Variants in CADM4 observed in about 807,000 individuals in gnomAD.
The protein encoded by CADM4 is TSLC1-like 2.
A neutral mutation model predicts 43.9 loss-of-function variants in CADM4; 13 were observed. That is an observed-to-expected ratio of 0.30 (90% CI 0.19 to 0.47). The LOEUF (loss-of-function observed/expected upper bound fraction) is 0.47. Among genes scored for constraint, CADM4 ranks in the 20% least tolerant of loss-of-function variants. The pLI, the probability that CADM4 is intolerant of heterozygous loss-of-function variation, is 1.00. For missense variants in CADM4, 420 were observed against 527.0 expected (o/e 0.80, Z 1.99); for synonymous variants, 209 against 220.9 (o/e 0.95, Z 0.48).
intron 7 of CADM4, among the ~76,000 whole-genome samples, chr19:43,624,543 G>A (rs1179178443): frequency 2.6e-5 from 4 of 152,152 alleles, no homozygotes; most frequent in Non-Finnish European, 5.9e-5. Flanking sequence ...GGGCTCAAGC[G>A]ATCCTCCGGC....
chr19:43,641,881 A>G (rs769447302), upstream of CADM4, among the ~76,000 whole-genome samples: 61 of 152,314 alleles, frequency 4.0e-4, no homozygotes, highest in Non-Finnish European at 7.2e-4. Flanking sequence ...AGGAGCCAAT[A>G]GGCCCGCTCA....
chr19:43,629,949 G>T (rs1298445132), intron 1 of CADM4, among the ~76,000 whole-genome samples: 2 of 151,054 alleles, frequency 1.3e-5, no homozygotes, highest in Non-Finnish European at 3.0e-5. Context: ...TTGAGACAAG[G>T]TCAGGCTGGA....
chr19:43,634,094 A>G (rs1267346030), intron 1 of CADM4, among the ~76,000 whole-genome samples: 1 of 152,070 alleles, frequency 6.6e-6, no homozygotes, highest in Non-Finnish European at 1.5e-5. Flanking sequence ...CATCTGTGTG[A>G]CCTGTGGGCA....
chr19:43,627,535 C>T lies in CADM4; in HGVS notation c.211+109G>A, dbSNP rs1973549639. The stretch of plus-strand genomic sequence containing the variant: ...TCCGGGACCCCAGCCCTTTCTTCTC[C>T]GAGACCCAGGAGACCAAACTCTCAG... On this transcript the variant is annotated intron_variant, in intron 2 of 8. Transcript: ENST00000222374. The surrounding 1 kb of genome is among the most constrained non-coding windows in gnomAD (Gnocchi z 4.0). 12 of 1,361,398 alleles carry T rather than the reference C, an allele frequency of 8.8e-6. No individual in the cohort carries two copies. Among genetic ancestry groups the T allele is most frequent in the East Asian group, 2.4e-5 (1 of 41,678 alleles). 84.3% of individuals were successfully genotyped at this position (1,361,398 alleles called of 1,614,324 possible). A position where few individuals can be genotyped will look rare whatever the true frequency, so the allele number is the denominator to read the frequency against.
At chr19:43,635,251 C>G (rs1973684870) in intron 1 of CADM4, among the ~76,000 whole-genome samples, 1 of 152,186 alleles carries the variant, frequency 6.6e-6, no homozygotes, top group African/African-American at 2.4e-5. Context: ...CAGGGGGCTC[C>G]TGGCATCCTG....
chr19:43,623,247 A>C lies in CADM4; in HGVS notation c.*83T>G. On this transcript the variant is annotated 3_prime_UTR_variant, in exon 9 of 9. Coordinates refer to ENST00000222374, the MANE Select transcript of CADM4 (RefSeq NM_145296.2). The surrounding 1 kb of genome is among the most constrained non-coding windows in gnomAD (Gnocchi z 4.4). Reference sequence around the variant, plus strand: ...GAAGCCCACCATCCCAGACTCTGGTAAATGTCTTTGCTGGTTCCTTGCAGC... The same window carrying C: ...GAAGCCCACCATCCCAGACTCTGGTCAATGTCTTTGCTGGTTCCTTGCAGC... 1.0e-6 allele frequency: 1 copy of C among 965,428 alleles called. No homozygotes were observed. The highest frequency in any genetic ancestry group is 1.7e-6 in the Non-Finnish European group (1 of 599,984). The allele number at this position is 965,428 out of a possible 1,614,324, so 59.8% of individuals were successfully genotyped here.
At chr19:43,641,283 T>A (rs950798357), upstream of CADM4, among the ~76,000 whole-genome samples, 2 of 152,222 alleles carry the variant, frequency 1.3e-5, no homozygotes, top group African/African-American at 4.8e-5. Context: ...CCTTACTTTT[T>A]ATTCCGACTA....
chr19:43,634,896 T>TTA (rs1973679277), intron 1 of CADM4, among the ~76,000 whole-genome samples: 2 of 148,828 alleles, frequency 1.3e-5, no homozygotes, highest in Non-Finnish European at 3.0e-5. Context: ...ACCCAGGAAT[T>TTA]CAGCCCCCAA....
chr19:43,623,909 A>G lies in CADM4; in HGVS notation c.1057+205T>C, dbSNP rs1299161957. On this transcript the variant is annotated intron_variant, in intron 8 of 8. Coordinates refer to ENST00000222374, the MANE Select transcript of CADM4 (RefSeq NM_145296.2). This position sits in a 1 kb window ranked among gnomAD's most constrained non-coding sequence, Gnocchi z 4.4. ...AGCCACCGCGCCCAACCGCAAATCT[A>G]TGCTTTTAATTCAGCTTCTAAATTC... Among the ~76,000 whole-genome samples the G allele has an allele frequency of 6.6e-6, 1 of 152,086 alleles. No homozygotes were observed. The highest frequency in any genetic ancestry group is 6.5e-5 in the Admixed American group (1 of 15,278).
In CADM4 at chr19:43,625,187, T is replaced by C. The variant is rs1293322318; in HGVS notation, c.819A>G (p.Gly273=). 1.2e-6 allele frequency: 2 copies of C among 1,614,220 alleles called. No homozygotes were observed. Among genetic ancestry groups the C allele is most frequent in the South Asian group, 2.2e-5 (2 of 91,086 alleles). ...CCAGACCCGGCAGCGTGAGCGTCTC[T>C]CCCACGGCCTCCGCCCTCTCCGGCA... ...ESLPERAEAV[G]ETLTLPGLVS... Residue 273 remains glycine (G), a synonymous_variant, in exon 7 of 9, where the codon GGA becomes GGG. Coordinates refer to ENST00000222374, the MANE Select transcript of CADM4 (RefSeq NM_145296.2). This position sits in a 1 kb window ranked among gnomAD's most constrained non-coding sequence, Gnocchi z 4.5.
chr19:43,637,242 G>T (rs1040117270), intron 1 of CADM4, among the ~76,000 whole-genome samples: 1 of 152,106 alleles, frequency 6.6e-6, no homozygotes, highest in Non-Finnish European at 1.5e-5. Context: ...CATCTCCCCC[G>T]ATTCCTGCTG....
intron 1 of CADM4, among the ~76,000 whole-genome samples, chr19:43,634,000 C>A (rs1389946434): frequency 1.3e-5 from 2 of 152,064 alleles, no homozygotes; most frequent in Non-Finnish European, 2.9e-5. Context: ...CTGGCCCAGA[C>A]AGAATCTCAT....
chr19:43,623,543 C>T lies in CADM4; in HGVS notation c.1058-104G>A, dbSNP rs1205228359. ...GGAGACAGACAAGACACATGCCAGG[C>T]GAAGGAAGAGGGAGAAACGGAACAC... is the stretch of plus-strand genomic sequence containing the variant. On this transcript the variant is annotated intron_variant, in intron 8 of 8. Transcript: ENST00000222374. This position sits in a 1 kb window ranked among gnomAD's most constrained non-coding sequence, Gnocchi z 4.4. The T allele has an allele frequency of 9.1e-6, 7 of 773,260 alleles. No homozygotes were observed. Among genetic ancestry groups the T allele is most frequent in the African/African-American group, 6.8e-5 (4 of 58,712 alleles). 47.9% of individuals were successfully genotyped at this position (773,260 alleles called of 1,614,324 possible).
chr19:43,624,933 G>A (rs532916433), intron 7 of CADM4, 145 bp downstream of exon 7: 1 of 849,468 alleles, frequency 1.2e-6, no homozygotes, highest in South Asian at 1.8e-5. Flanking sequence ...ACCCGAATTT[G>A]AGCCCCGCGG....
intron 1 of CADM4, among the ~76,000 whole-genome samples, chr19:43,636,402 GC>G (rs1482226742): frequency 1.2e-4 from 19 of 152,072 alleles, no homozygotes; most frequent in African/African-American, 4.6e-4. Flanking sequence ...GAACCTCCAC[GC>G]CCAGTGCCCT....
At chr19:43,629,502 C>G (rs968340248) in intron 1 of CADM4, among the ~76,000 whole-genome samples, 7 of 152,156 alleles carry the variant, frequency 4.6e-5, no homozygotes, top group Admixed American at 3.3e-4. Flanking sequence ...ATAACAATAA[C>G]CCCCATAGCT....
rs886793730 is a variant in CADM4 at position 43,639,829 on chromosome 19, C to G, written c.-39G>C. On this transcript the variant is annotated 5_prime_UTR_variant, in exon 1 of 9. Transcript: ENST00000222374. ...CCGCCGCCGCCGCTCGCTCCCGGCC[C>G]GGCACCTGCACCGCCCGCGCCGCCC... 17 of 989,652 alleles carry G rather than the reference C, an allele frequency of 1.7e-5. No homozygotes were observed. Among genetic ancestry groups the G allele is most frequent in the South Asian group, 1.3e-4 (3 of 22,234 alleles). The allele number at this position is 989,652 out of a possible 1,614,324, so 61.3% of individuals were successfully genotyped here.
chr19:43,631,731 C>T (rs1207758544), intron 1 of CADM4, among the ~76,000 whole-genome samples: 3 of 152,074 alleles, frequency 2.0e-5, no homozygotes, highest in South Asian at 2.1e-4. Flanking sequence ...AACAGTGTGA[C>T]GCGTGGAATT....
At chr19:43,641,681 A>C (rs1450560627), upstream of CADM4, among the ~76,000 whole-genome samples, 1 of 152,164 alleles carries the variant, frequency 6.6e-6, no homozygotes, top group Non-Finnish European at 1.5e-5. Context: ...GTGTCCCCAG[A>C]TCCATAGCCC....
Sources: allele counts gnomAD v4.1 joint callset (sites outside exome capture counted in the v4.1 genomes callset), GRCh38; gene constraint gnomAD v4.1.1; non-coding constraint Gnocchi (gnomAD v3.1); transcripts MANE v1.5; gene names NCBI Gene and HGNC (gene_info 2026-07-23, HGNC 2026-07-21).